CTNNA2: variants seen among roughly 807,000 people sequenced by gnomAD.
CTNNA2 encodes catenin alpha-2.
Under a neutral mutation model 101.0 loss-of-function variants are expected in CTNNA2, and 42 were observed. The observed-to-expected ratio is 0.42, with a 90% CI of 0.32 to 0.54. The LOEUF is 0.54. Among genes scored for constraint, CTNNA2 ranks in the 20% least tolerant of loss-of-function variants. The pLI is 0.14. For missense variants in CTNNA2, 871 were observed against 1,223.1 expected (o/e 0.71, Z 4.29); for synonymous variants, 450 against 456.4 (o/e 0.99, Z 0.18).
intron 1 of CTNNA2, among the ~76,000 whole-genome samples, chr2:79,520,209 G>A (rs540060361): frequency 6.6e-6 from 1 of 152,306 alleles, no homozygotes; most frequent in Non-Finnish European, 1.5e-5. Context: ...CCAGCAGTGC[G>A]ATCAAGATAC....
chr2:79,956,670 C>G (rs2104513586), intron 7 of CTNNA2, among the ~76,000 whole-genome samples: 1 of 152,232 alleles, frequency 6.6e-6, no homozygotes, highest in South Asian at 2.1e-4. Flanking sequence ...TCTTGAAAGT[C>G]TCAAGTCATC....
chr2:80,331,227 T>C (rs571402886), intron 7 of CTNNA2, among the ~76,000 whole-genome samples: 1 of 152,250 alleles, frequency 6.6e-6, no homozygotes, highest in African/African-American at 2.4e-5. Flanking sequence ...AGGTATTCGT[T>C]ATCACATCGG....
chr2:79,366,912 G>C (rs1211795608), intron 3 of CTNNA2, among the ~76,000 whole-genome samples: 2 of 152,128 alleles, frequency 1.3e-5, no homozygotes, highest in African/African-American at 4.8e-5. Context: ...GGGTGGTATG[G>C]GACGGTCTCA....
In CTNNA2 at chr2:80,302,549, T is replaced by C. The variant is rs138752097; in HGVS notation, c.1057-90662T>C. The C allele has an allele frequency of 1.2e-5, 19 of 1,610,014 alleles. No individual in the cohort carries two copies. Among genetic ancestry groups the C allele is most frequent in the Non-Finnish European group, 1.4e-5 (17 of 1,179,668 alleles). ...GGTGCCCGTGACCACCTTGTGGATCTGCACGGCGTTCTCGGCGTGCTCGCC... is the reference window on the plus strand; with the variant it reads ...GGTGCCCGTGACCACCTTGTGGATCCGCACGGCGTTCTCGGCGTGCTCGCC... On this transcript the variant is annotated intron_variant, in intron 7 of 18. Coordinates refer to ENST00000402739, the MANE Select transcript of CTNNA2 (RefSeq NM_001282597.3). This position sits in a 1 kb window ranked among gnomAD's most constrained non-coding sequence, Gnocchi z 6.4.
intron 2 of CTNNA2, among the ~76,000 whole-genome samples, chr2:79,219,497 G>T (rs894596974): frequency 1.3e-5 from 2 of 152,120 alleles, no homozygotes; most frequent in Admixed American, 6.5e-5. Flanking sequence ...ATAGCCATAT[G>T]TGGCTAGTGA....
At chr2:79,511,485 AAG>A (rs1403368230), upstream of CTNNA2, among the ~76,000 whole-genome samples, 2 of 152,182 alleles carry the variant, frequency 1.3e-5, no homozygotes, top group Admixed American at 6.5e-5. Flanking sequence ...TAGGCAGTCT[AAG>A]AAAAACGCTA....
intron 1 of CTNNA2, among the ~76,000 whole-genome samples, chr2:79,621,903 A>G (rs569273967): frequency 7.2e-5 from 11 of 152,200 alleles, no homozygotes; most frequent in Non-Finnish European, 1.2e-4. Context: ...AAACTCTCAC[A>G]TGAGTAGCAT....
chr2:80,600,306 G>T (rs1312952190), intron 15 of CTNNA2, among the ~76,000 whole-genome samples: 6 of 151,894 alleles, frequency 4.0e-5, no homozygotes, highest in Non-Finnish European at 7.4e-5. Flanking sequence ...ATAAGGAAGA[G>T]CTTCTTAAAG....
chr2:80,647,455 T>C (rs1390751359), intron 18 of CTNNA2, 130 bp from the exon 19 acceptor site: 10 of 755,608 alleles, frequency 1.3e-5, no homozygotes, highest in Non-Finnish European at 2.1e-5. Context: ...CTTGTGATAA[T>C]TTGCTCCTTT....
chr2:80,269,586 A>G (rs1673296830), intron 7 of CTNNA2, among the ~76,000 whole-genome samples: 1 of 152,218 alleles, frequency 6.6e-6, no homozygotes, highest in Non-Finnish European at 1.5e-5. Flanking sequence ...TCATTCAGAA[A>G]AAAAAATGCT....
chr2:80,604,894 A>G (rs216663), intron 16 of CTNNA2, among the ~76,000 whole-genome samples: 79,901 of 151,720 alleles, frequency 0.53, 21,317 homozygotes, highest in East Asian at 0.62. Flanking sequence ...AACAGGTTGC[A>G]GAATCTGGGA....
At chr2:79,258,431 A>C (rs1674875836) in intron 2 of CTNNA2, among the ~76,000 whole-genome samples, 1 of 152,166 alleles carries the variant, frequency 6.6e-6, no homozygotes, top group South Asian at 2.1e-4. Context: ...AAATGATGGC[A>C]TGAAAGCGCT....
intron 7 of CTNNA2, among the ~76,000 whole-genome samples, chr2:79,933,657 G>A (rs1264341955): frequency 2.0e-5 from 3 of 152,048 alleles, no homozygotes; most frequent in Admixed American, 1.3e-4. Context: ...GTTTCACCAT[G>A]TTGGCCAGGC....
chr2:80,119,149 C>G (rs999263129), intron 7 of CTNNA2, among the ~76,000 whole-genome samples: 1 of 152,156 alleles, frequency 6.6e-6, no homozygotes, highest in African/African-American at 2.4e-5. Context: ...TAGGCTTGAT[C>G]TTTAGGTTTG....
At chr2:79,992,003 C>G (rs776950513) in intron 7 of CTNNA2, among the ~76,000 whole-genome samples, 3 of 152,092 alleles carry the variant, frequency 2.0e-5, no homozygotes, top group Non-Finnish European at 4.4e-5. Flanking sequence ...ACCACAAATG[C>G]CTTAAAAATC....
intron 9 of CTNNA2, among the ~76,000 whole-genome samples, chr2:80,457,764 T>A (rs1365549633): frequency 6.6e-6 from 1 of 152,176 alleles, no homozygotes; most frequent in Non-Finnish European, 1.5e-5. Context: ...AAAATTTATT[T>A]TATTCTTTCA....
At position 79,468,358 on chromosome 2, in the gene CTNNA2, G is replaced by A. The variant is rs1394362665; in HGVS notation, c.-134-36696G>A. On this transcript the variant is annotated intron_variant, in intron 4 of 21. Coordinates refer to the CTNNA2 transcript ENST00000466387. ...CCGAAATATATATGCACCCAATACA[G>A]GAGCACCCAGATTCATAAAGCAAGC... is the stretch of plus-strand genomic sequence containing the variant. Among the ~76,000 whole-genome samples, 5 of 152,260 alleles carry A rather than the reference G, an allele frequency of 3.3e-5. No homozygotes were observed. The East Asian group carries it at 9.7e-4, about 29-fold the overall frequency.
At chr2:80,434,066 C>A (rs1681795842) in intron 9 of CTNNA2, among the ~76,000 whole-genome samples, 1 of 152,158 alleles carries the variant, frequency 6.6e-6, no homozygotes, top group Non-Finnish European at 1.5e-5. Flanking sequence ...TTCTCACGGT[C>A]AAAAAATACT....
chr2:79,815,008 G>A (rs886165013), intron 3 of CTNNA2, among the ~76,000 whole-genome samples: 1 of 152,062 alleles, frequency 6.6e-6, no homozygotes, highest in African/African-American at 2.4e-5. Flanking sequence ...GTTTTGATTT[G>A]CATTTCCCTA....
Sources: gnomAD v4.1 joint callset for allele counts (sites outside exome capture counted in the v4.1 genomes callset) on GRCh38, gnomAD v4.1.1 for gene constraint, Gnocchi (gnomAD v3.1) non-coding constraint, MANE v1.5 for transcripts, NCBI Gene and HGNC (gene_info 2026-07-23, HGNC 2026-07-21) for gene names.